Variants in IL3RA observed in about 807,000 individuals in gnomAD.
The protein encoded by IL3RA is interleukin-3 receptor subunit alpha.
IL3RA carries 73 observed loss-of-function variants against 52.3 expected under a neutral mutation model. That is an observed-to-expected ratio of 1.40 (90% confidence interval 1.16 to 1.70). The LOEUF is 1.70. Ranked by LOEUF, IL3RA falls within the 40% of genes most tolerant of loss-of-function variation. The probability of loss-of-function intolerance (pLI) is 0.00; values close to 1 mark genes in which losing one functional copy is unlikely to be tolerated. For synonymous variants in IL3RA, 260 were observed against 194.0 expected, an observed-to-expected ratio of 1.34 and a Z score of -2.83; for missense variants, 664 against 504.4, an observed-to-expected ratio of 1.32 and a Z score of -3.03.
intron 4 of IL3RA, among the ~76,000 whole-genome samples, chrX:1,348,964 T>G (rs1241994386): frequency 6.8e-6 from 1 of 146,888 alleles, no homozygotes; most frequent in Non-Finnish European, 1.5e-5. Flanking sequence ...CTTCCCTTTC[T>G]CTCTCTCTCT....
At chrX:1,363,118 G>GC (rs369433050) in intron 8 of IL3RA, among the ~76,000 whole-genome samples, 7,179 of 150,682 alleles carry the variant, frequency 0.048, 580 homozygotes, top group African/African-American at 0.16. Flanking sequence ...TGCATTTAGG[G>GC]CCCCCCCTGA....
At position 1,344,097 on chromosome X, in the gene IL3RA, TTA is replaced by T. The variant is rs762017762; in HGVS notation, c.65-1217_65-1216del. On this transcript the variant is annotated intron_variant, in intron 2 of 11. Transcript: ENST00000331035. The stretch of plus-strand genomic sequence containing the variant: ...GCGTGAGCCACCACGCCCGTTTGCT[TTA>T]TGACTTCTACCAGCTCACAGAAGTC... Among the ~76,000 whole-genome samples, 150 of 152,074 alleles carry T rather than the reference TTA, an allele frequency of 9.9e-4. 1 individual carries two copies. Among genetic ancestry groups the T allele is most frequent in the East Asian group, 9.2e-3 (47 of 5,136 alleles).
intron 8 of IL3RA, among the ~76,000 whole-genome samples, chrX:1,363,598 A>T (rs1378917848): frequency 6.6e-6 from 1 of 151,226 alleles, no homozygotes; most frequent in East Asian, 2.0e-4. Context: ...GAGCTATTTC[A>T]TCATAAGGCC....
chrX:1,367,215 G>C (rs868771871), intron 9 of IL3RA, among the ~76,000 whole-genome samples: 159 of 26,092 alleles, frequency 6.1e-3, no homozygotes, highest in East Asian at 0.012. Flanking sequence ...CGGGGTGAGC[G>C]GGGTGAGCCG....
chrX:1,353,638 TCATGGGTTCCATCACGGGTCATGGGACCC>T (rs1182747441), intron 6 of IL3RA, among the ~76,000 whole-genome samples: 1 of 18,828 alleles, frequency 5.3e-5, no homozygotes, highest in Non-Finnish European at 9.5e-5. Context: ...ACCCCCCCCA[TCATGGGTTCCATCACGGGTCATGGGACCC>T]CCCCCATCAT....
intron 9 of IL3RA, among the ~76,000 whole-genome samples, chrX:1,365,490 C>T (rs868844129): frequency 6.0e-5 from 1 of 16,668 alleles, no homozygotes; most frequent in East Asian, 1.2e-3. Context: ...GAGCCGGGTG[C>T]GCGGGGTGAG....
chrX:1,348,415 C>T lies in IL3RA; in HGVS notation c.184-16C>T, dbSNP rs756310240. 3.2e-6 allele frequency: 5 copies of T among 1,575,550 alleles called. No individual in the cohort carries two copies. In the South Asian group the frequency reaches 5.5e-5, roughly 17 times the overall value. ...ATGGTCTGTCAGCAGCCATCATAGT[C>T]CTATGTCTCTCTTAGGCAGTGAACA... On this transcript the variant is annotated splice_polypyrimidine_tract_variant and intron_variant, in intron 3 of 11. Transcript: ENST00000331035.
intron 6 of IL3RA, among the ~76,000 whole-genome samples, chrX:1,353,649 ATCACG>A (rs2086324977): frequency 1.3e-4 from 4 of 31,844 alleles, no homozygotes; most frequent in African/African-American, 5.2e-4. Flanking sequence ...CATGGGTTCC[ATCACG>A]GGTCATGGGA....
intron 7 of IL3RA, among the ~76,000 whole-genome samples, chrX:1,357,746 TATTA>T (rs1382383262): frequency 6.6e-6 from 1 of 151,950 alleles, no homozygotes; most frequent in Non-Finnish European, 1.5e-5. Flanking sequence ...ACGTTAGGTC[TATTA>T]ATTTCTTTTA....
chrX:1,381,298 TGAGGGAGGAG>T (rs1444925029), intron 11 of IL3RA, among the ~76,000 whole-genome samples, 194 bp downstream of exon 11: 1 of 151,072 alleles, frequency 6.6e-6, no homozygotes, highest in Non-Finnish European at 1.5e-5. Flanking sequence ...CTCGGGAGGC[TGAGGGAGGAG>T]GATCACTTGA....
chrX:1,364,200 A>T (rs59420466), intron 8 of IL3RA, among the ~76,000 whole-genome samples: 59,193 of 147,630 alleles, frequency 0.4, 11,932 homozygotes, highest in Middle Eastern at 0.49. Flanking sequence ...AAAAAAAAAA[A>T]TTTTTTTTTG....
intron 8 of IL3RA, among the ~76,000 whole-genome samples, chrX:1,359,817 TC>T (rs1390448457): frequency 6.7e-6 from 1 of 148,544 alleles, no homozygotes; most frequent in African/African-American, 2.5e-5. Flanking sequence ...TTTCTCTCTC[TC>T]TCTCTCTCTC....
chrX:1,348,383 A>G (rs1263528023), intron 3 of IL3RA, 48 bp from the exon 4 acceptor site: 4 of 1,429,914 alleles, frequency 2.8e-6, no homozygotes, highest in Non-Finnish European at 4.0e-6. Flanking sequence ...TTAGCGTCAA[A>G]TTAAGCATGG....
At chrX:1,368,132 G>A (rs2088311829) in intron 9 of IL3RA, among the ~76,000 whole-genome samples, 1 of 152,120 alleles carries the variant, frequency 6.6e-6, no homozygotes, top group South Asian at 2.1e-4. Context: ...GGTGATGGGC[G>A]CCTGTAGTCC....
intron 2 of IL3RA, among the ~76,000 whole-genome samples, chrX:1,344,825 G>C (rs1364623641): frequency 1.3e-5 from 2 of 151,128 alleles, no homozygotes; most frequent in Non-Finnish European, 2.9e-5. Flanking sequence ...CAAAGGTATT[G>C]GCTAACTCCA....
chrX:1,378,336 G>A (rs1432640935), intron 9 of IL3RA, among the ~76,000 whole-genome samples: 1 of 152,130 alleles, frequency 6.6e-6, no homozygotes, highest in Non-Finnish European at 1.5e-5. Flanking sequence ...CGGCCTGCTG[G>A]GCACAGTGGA....
intron 4 of IL3RA, among the ~76,000 whole-genome samples, chrX:1,350,393 C>A (rs1336292487): frequency 1.3e-5 from 2 of 151,622 alleles, no homozygotes; most frequent in African/African-American, 4.8e-5. Flanking sequence ...AATTCGAGAC[C>A]AGCCTGGCTA....
At chrX:1,367,815 C>T (rs1381852524) in intron 9 of IL3RA, among the ~76,000 whole-genome samples, 2 of 143,828 alleles carry the variant, frequency 1.4e-5, no homozygotes, top group African/African-American at 5.2e-5. Context: ...GAGCGGGGTG[C>T]GCGGGGTGAG....
chrX:1,377,981 T>C (rs2088905777), intron 9 of IL3RA, among the ~76,000 whole-genome samples: 1 of 144,692 alleles, frequency 6.9e-6, no homozygotes, highest in Admixed American at 6.8e-5. Flanking sequence ...AGGTCAGGAG[T>C]TCAAGACCAG....
Sources: gnomAD v4.1 joint callset for allele counts (sites outside exome capture counted in the v4.1 genomes callset) on GRCh38, gnomAD v4.1.1 for gene constraint, MANE v1.5 for transcripts, NCBI Gene and HGNC (gene_info 2026-07-23, HGNC 2026-07-21) for gene names.